Variants in PRSS23 observed in about 807,000 individuals in gnomAD.
The protein encoded by PRSS23 is serine protease 23.
PRSS23 carries 25 observed loss-of-function variants against 34.7 expected under a neutral mutation model. The ratio of observed to expected loss-of-function variants is 0.72; its 90% confidence interval spans 0.53 to 1.01. The LOEUF is 1.01. PRSS23 is among the 50% of genes least tolerant of loss of function. PRSS23 has a pLI of 0.00. For missense variants in PRSS23, 445 were observed against 475.6 expected, an observed-to-expected ratio of 0.94 and a Z score of 0.60; for synonymous variants, 176 against 186.6, an observed-to-expected ratio of 0.94 and a Z score of 0.46.
intron 2 of PRSS23, among the ~76,000 whole-genome samples, chr11:86,830,392 G>A (rs539535679): frequency 6.6e-6 from 1 of 152,268 alleles, no homozygotes; most frequent in East Asian, 1.9e-4. Flanking sequence ...GGTGCCATCT[G>A]TCACCCCTTT....
rs74678960 is a variant in PRSS23 at position 86,806,012 on chromosome 11, A to G, written c.-13-1619A>G. Among the ~76,000 whole-genome samples, 857 of 152,338 alleles carry G rather than the reference A, an allele frequency of 5.6e-3. 11 individuals carry two copies. The highest frequency in any genetic ancestry group is 0.02 in the African/African-American group (820 of 41,582). ...GCTTCTATTGAACCAGAAGAGTCAG[A>G]GCCACTGAGAGCCAACTGATGCTTA... On this transcript the variant is annotated intron_variant, in intron 1 of 1. Coordinates refer to ENST00000280258, the MANE Select transcript of PRSS23 (RefSeq NM_007173.6).
At chr11:86,905,746 G>A (rs1948937625) in intron 2 of PRSS23, among the ~76,000 whole-genome samples, 1 of 152,142 alleles carries the variant, frequency 6.6e-6, no homozygotes, top group Non-Finnish European at 1.5e-5. Context: ...AGGAATAGAC[G>A]TCTGAGTCCC....
intron 1 of PRSS23, chr11:86,821,549 T>G (rs1948251887): frequency 6.2e-7 from 1 of 1,610,966 alleles, no homozygotes; most frequent in Admixed American, 1.7e-5. Flanking sequence ...AGTATCTGGA[T>G]GGCATTCACT....
Position 86,902,655 on chromosome 11 carries a change from A to G in PRSS23, c.207-48561A>G, listed in dbSNP as rs75371101. On this transcript the variant is annotated intron_variant, in intron 2 of 2. Coordinates refer to the PRSS23 transcript ENST00000533902. The stretch of plus-strand genomic sequence containing the variant: ...AAAGATTAGTGTACATGATGCTACT[A>G]CCTATGTTTTTTCTAGAAAGACAGT... 4.4e-3 allele frequency among the ~76,000 whole-genome samples: 677 copies of G among 152,258 alleles called. 9 individuals are homozygous for G. The highest frequency in any genetic ancestry group is 0.013 in the African/African-American group (558 of 41,522).
At chr11:86,922,578 CCT>C (rs1162879289) in intron 2 of PRSS23, among the ~76,000 whole-genome samples, 2 of 152,168 alleles carry the variant, frequency 1.3e-5, no homozygotes, top group Admixed American at 1.3e-4. Flanking sequence ...AGATACAATA[CCT>C]GGGACACAGT....
chr11:86,905,686 G>C (rs1039577048), intron 2 of PRSS23, among the ~76,000 whole-genome samples: 1 of 152,114 alleles, frequency 6.6e-6, no homozygotes, highest in Non-Finnish European at 1.5e-5. Context: ...TTTTCCAGAA[G>C]GTGTCAATAT....
chr11:86,815,073 G>C (rs1165204473), downstream of PRSS23, among the ~76,000 whole-genome samples: 2 of 152,206 alleles, frequency 1.3e-5, no homozygotes, highest in African/African-American at 4.8e-5. Context: ...AAAGACTGAA[G>C]TGTTTGCCTT....
intron 2 of PRSS23, among the ~76,000 whole-genome samples, chr11:86,913,932 C>T (rs370134802): frequency 4.0e-5 from 6 of 150,068 alleles, no homozygotes; most frequent in African/African-American, 9.9e-5. Context: ...TGGCCAGACC[C>T]GGTAGCTTAT....
At chr11:86,921,735 A>G (rs551208865) in intron 2 of PRSS23, 1 of 152,316 alleles carries the variant, frequency 6.6e-6, no homozygotes, top group Admixed American at 6.5e-5. Flanking sequence ...GGCAGTTGAT[A>G]CTTTTTCAGG....
chr11:86,924,231 A>G (rs1384498018), intron 2 of PRSS23, among the ~76,000 whole-genome samples: 6 of 152,164 alleles, frequency 3.9e-5, no homozygotes, highest in Non-Finnish European at 8.8e-5. Context: ...GAGGCACAGA[A>G]AGGTCGGCAC....
chr11:86,905,097 CA>C (rs1948933858), intron 2 of PRSS23, among the ~76,000 whole-genome samples: 1 of 152,020 alleles, frequency 6.6e-6, no homozygotes, highest in South Asian at 2.1e-4. Context: ...CATTTATTTT[CA>C]AAAACAGATG....
downstream of PRSS23, among the ~76,000 whole-genome samples, chr11:86,815,547 T>G (rs1041840133): frequency 6.6e-6 from 1 of 152,226 alleles, no homozygotes; most frequent in Non-Finnish European, 1.5e-5. Context: ...CATCCCAGAA[T>G]AAAACTCTTG....
chr11:86,950,909 C>G (rs1191022915), intron 2 of PRSS23: 1 of 590,592 alleles, frequency 1.7e-6, no homozygotes, highest in East Asian at 2.9e-5. Context: ...TTTTTCACAG[C>G]TTTGAAAGCC....
chr11:86,808,917 C>G lies in PRSS23; in HGVS notation c.*122C>G. ...GTGTGTGTGTGTGTGTGTAAGGTGT[C>G]TTATAATCTTTTACCTATTTCTTAC... On this transcript the variant is annotated 3_prime_UTR_variant, in exon 2 of 2. Transcript: ENST00000280258. 1.7e-5 allele frequency: 13 copies of G among 756,196 alleles called. No individual in the cohort carries two copies. The highest frequency in any genetic ancestry group is 2.3e-5 in the Non-Finnish European group (11 of 473,428). 46.8% of individuals were successfully genotyped at this position (756,196 alleles called of 1,614,324 possible). A position where few individuals can be genotyped will look rare whatever the true frequency, so the allele number is the denominator to read the frequency against.
At chr11:86,818,221 A>G (rs548880784) in intron 1 of PRSS23, among the ~76,000 whole-genome samples, 1 of 152,378 alleles carries the variant, frequency 6.6e-6, no homozygotes, top group African/African-American at 2.4e-5. Flanking sequence ...CAGTACAAGT[A>G]TAAAACAAAT....
rs184335522 is a variant in PRSS23 at position 86,883,231 on chromosome 11, C to T, written c.206+59638C>T. On this transcript the variant is annotated intron_variant, in intron 2 of 2. Transcript: ENST00000533902. ...AAAAAGCTGGAGGCATCATGCTACT[C>T]GACTTCAAACCATACTACAGGGATA... Among the ~76,000 whole-genome samples the T allele has an allele frequency of 2.0e-3, 308 of 152,240 alleles. 3 individuals are homozygous for T. The highest frequency in any genetic ancestry group is 3.4e-3 in the Non-Finnish European group (230 of 68,004).
chr11:86,929,336 A>AAAC (rs1949107805), intron 2 of PRSS23, among the ~76,000 whole-genome samples: 1 of 139,524 alleles, frequency 7.2e-6, no homozygotes, highest in African/African-American at 2.7e-5. Flanking sequence ...AAAAAAAAAC[A>AAAC]AAAAAAAAAA....
rs576727345 is a variant in PRSS23, at chr11:86,931,414, A to G, written c.207-19802A>G. On this transcript the variant is annotated intron_variant, in intron 2 of 2. Transcript: ENST00000533902. ...ACAATGGCATACCACTCAGCAATAC[A>G]ATGGAAGGAATTCCTCACACACACA... Among the ~76,000 whole-genome samples, 6 of 152,340 alleles carry G rather than the reference A, an allele frequency of 3.9e-5. No homozygotes were observed. In the South Asian group the frequency reaches 1.2e-3, roughly 32 times the overall value.
chr11:86,952,696 A>G (rs978290892), exon 3 of PRSS23: 11 of 477,218 alleles, frequency 2.3e-5, no homozygotes, highest in Admixed American at 1.7e-4. Flanking sequence ...TTCCAGAAGA[A>G]TGTACATAAA....
Sources: gnomAD v4.1 joint callset for allele counts (sites outside exome capture counted in the v4.1 genomes callset) on GRCh38, gnomAD v4.1.1 for gene constraint, MANE v1.5 for transcripts, NCBI Gene and HGNC (gene_info 2026-07-23, HGNC 2026-07-21) for gene names.